RPUSD3: variants seen among roughly 807,000 people sequenced by gnomAD.
The protein encoded by RPUSD3 is RNA pseudouridine synthase D3, also known as mitochondrial mRNA pseudouridine synthase RPUSD3.
RPUSD3 carries 36 observed loss-of-function variants against 35.1 expected under a neutral mutation model. The observed-to-expected ratio is 1.02, with a 90% CI of 0.79 to 1.35. The LOEUF is 1.35. Ranked by LOEUF, RPUSD3 falls within the 40% of genes most tolerant of loss-of-function variation. The pLI is 0.00. For missense variants in RPUSD3, 486 were observed against 441.9 expected, an observed-to-expected ratio of 1.10 and a Z score of -0.89; for synonymous variants, 202 against 187.8, an observed-to-expected ratio of 1.08 and a Z score of -0.62.
Position 9,843,958 on chromosome 3 carries a change from C to T in RPUSD3, c.57G>A (p.Trp19Ter), listed in dbSNP as rs1250592085. ...CACCCAGGCCCCGCCGCCAGCCACT[C>T]CAGAACCGGCCCAAAACACGGCGGC... Residue 19 changes from tryptophan to a stop codon, truncating the protein, a stop_gained, in exon 1 of 9, where the codon TGG becomes TGA. Transcript: ENST00000383820. LOFTEE classifies it high-confidence loss of function. 1.9e-6 allele frequency: 3 copies of T among 1,608,840 alleles called. No homozygotes were observed. Among genetic ancestry groups the T allele is most frequent in the Non-Finnish European group, 2.5e-6 (3 of 1,178,998 alleles).
intron 4 of RPUSD3, chr3:9,841,256 A>G (rs2082099290): frequency 6.4e-6 from 1 of 156,900 alleles, no homozygotes; most frequent in African/African-American, 2.4e-5. Context: ...CACACTGAGC[A>G]TAGGTATTAT....
chr3:9,841,803 C>T, intron 4 of RPUSD3, 180 bp downstream of exon 4: 2 of 583,572 alleles, frequency 3.4e-6, no homozygotes, highest in Non-Finnish European at 6.1e-6. Flanking sequence ...GGTATCACAC[C>T]ATTTGTACTT....
At chr3:9,843,721 T>A (rs536470712) in intron 1 of RPUSD3, 120 bp from the exon 2 acceptor site, 1 of 1,545,776 alleles carries the variant, frequency 6.5e-7, no homozygotes, top group African/African-American at 1.4e-5. Flanking sequence ...ATGTCTGGGC[T>A]GACCTCGAAA....
exon 1 of RPUSD3, chr3:9,843,962 A>T (rs369545840): frequency 1.4e-5 from 22 of 1,608,712 alleles, no homozygotes; most frequent in Non-Finnish European, 1.7e-5. Context: ...GCCACTCCAG[A>T]ACCGGCCCAA....
chr3:9,838,317 T>G (rs1464116073), intron 8 of RPUSD3, 110 bp from the exon 9 acceptor site: 2 of 992,470 alleles, frequency 2.0e-6, no homozygotes, highest in Non-Finnish European at 3.0e-6. Context: ...TCCCCACTGT[T>G]CTGCAACTGT....
At chr3:9,838,881 C>T (rs2082061826) in intron 8 of RPUSD3, 151 bp downstream of exon 8, 3 of 969,928 alleles carry the variant, frequency 3.1e-6, no homozygotes, top group East Asian at 5.2e-5. Context: ...CCCAAGGCCA[C>T]ACACCAAGAT....
intron 7 of RPUSD3, 187 bp from the exon 8 acceptor site, chr3:9,839,358 T>C (rs1055526865): frequency 1.7e-6 from 1 of 583,438 alleles, no homozygotes; most frequent in Non-Finnish European, 2.9e-6. Flanking sequence ...ATCACAGCTA[T>C]CAATCTGCCT....
intron 6 of RPUSD3, 29 bp from the exon 7 acceptor site, chr3:9,840,336 C>T: frequency 6.2e-7 from 1 of 1,614,148 alleles, no homozygotes. Flanking sequence ...GTGAACAAGC[C>T]TTACACAGGT....
intron 7 of RPUSD3, chr3:9,839,725 G>A (rs146244587): frequency 2.4e-4 from 38 of 156,422 alleles, no homozygotes; most frequent in African/African-American, 5.2e-4. Flanking sequence ...TTACAGGTGC[G>A]TGCCACCAAC....
At chr3:9,843,535 C>T (rs759212659) in exon 2 of RPUSD3, 56 of 1,613,792 alleles carry the variant, frequency 3.5e-5, no homozygotes, top group Non-Finnish European at 4.7e-5. Context: ...TTGGCAGCAG[C>T]CCCGCGAAGG....
chr3:9,842,063 C>T lies in RPUSD3; in HGVS notation c.327G>A (p.Thr109=), dbSNP rs748158141. ...TCAGCTCTGGCAGCACTGAGAACAA[C>T]GTCAGCTCTCCTGGTTTTCCTGGAA... Residue 109 remains threonine (T), a synonymous_variant, in exon 4 of 9, where the codon ACG becomes ACA. Coordinates refer to ENST00000383820, the Ensembl canonical transcript of RPUSD3. 35 of 1,610,642 alleles carry T rather than the reference C, an allele frequency of 2.2e-5. No homozygotes were observed. In the Admixed American group the frequency reaches 2.8e-4, roughly 13 times the overall value.
intron 6 of RPUSD3, 28 bp downstream of exon 6, chr3:9,840,504 C>A (rs756425167): frequency 6.2e-7 from 1 of 1,610,826 alleles, no homozygotes; most frequent in Middle Eastern, 1.7e-4. Context: ...TCTAGAAGCA[C>A]CCCTCCTCTT....
exon 5 of RPUSD3, chr3:9,840,767 T>C (rs1441354081): frequency 8.7e-6 from 14 of 1,613,942 alleles, no homozygotes; most frequent in Non-Finnish European, 1.2e-5. Context: ...ACTAGCTGTC[T>C]GGGGACAGCT....
intron 6 of RPUSD3, 81 bp downstream of exon 6, chr3:9,840,451 T>G (rs2082086415): frequency 1.9e-6 from 3 of 1,596,646 alleles, no homozygotes; most frequent in Non-Finnish European, 2.6e-6. Flanking sequence ...GAGCCAGCCA[T>G]CCCAAATCCA....
intron 1 of RPUSD3, 37 bp from the exon 2 acceptor site, chr3:9,843,638 T>C (rs1404713106): frequency 1.2e-5 from 20 of 1,608,524 alleles, no homozygotes; most frequent in Middle Eastern, 3.3e-4. Flanking sequence ...AGTCATTCCA[T>C]CCCGAGGTGC....
At chr3:9,839,888 T>C in intron 7 of RPUSD3, 1 of 207,324 alleles carries the variant, frequency 4.8e-6, no homozygotes, top group Non-Finnish European at 9.4e-6. Context: ...CAAGTGCAGT[T>C]TTTTTTTTTT....
chr3:9,838,005 CAG>C (rs1253762055), exon 9 of RPUSD3: 1 of 1,550,250 alleles, frequency 6.5e-7, no homozygotes, highest in African/African-American at 1.4e-5. Flanking sequence ...GGGTCAGGAA[CAG>C]AGGGAGGACT....
At chr3:9,843,993 C>G in exon 1 of RPUSD3, 1 of 1,595,474 alleles carries the variant, frequency 6.3e-7, no homozygotes, top group Non-Finnish European at 8.5e-7. Context: ...CCGTCCATCT[C>G]CCGAGCCAGG....
At chr3:9,838,948 T>C in intron 8 of RPUSD3, 84 bp downstream of exon 8, 1 of 1,596,064 alleles carries the variant, frequency 6.3e-7, no homozygotes, top group Non-Finnish European at 8.6e-7. Context: ...AGTCCCAAGC[T>C]GCACAGATAA....
Sources: gnomAD v4.1 joint callset for allele counts on GRCh38, gnomAD v4.1.1 for gene constraint, MANE v1.5 for transcripts, NCBI Gene and HGNC (gene_info 2026-07-23, HGNC 2026-07-21) for gene names.